Variants in GIGYF2 observed in about 807,000 individuals in gnomAD.
GIGYF2 encodes the protein GRB10-interacting GYF protein 2.
Under a neutral mutation model 208.1 loss-of-function variants are expected in GIGYF2, and 25 were observed. The ratio of observed to expected loss-of-function variants is 0.12; its 90% CI spans 0.09 to 0.17. The LOEUF is 0.17. Among genes scored for constraint, GIGYF2 ranks in the 10% least tolerant of loss-of-function variants. The pLI, the probability that GIGYF2 is intolerant of heterozygous loss-of-function variation, is 1.00. For missense variants in GIGYF2, 1,302 were observed against 1,579.4 expected (o/e 0.82, Z 2.98); for synonymous variants, 534 against 543.8 (o/e 0.98, Z 0.25).
Position 232,819,844 on chromosome 2 carries a change from C to A in GIGYF2, c.2388C>A (p.Arg796=). The A allele has an allele frequency of 2.1e-6, 3 of 1,410,020 alleles. No individual in the cohort carries two copies. The highest frequency in any genetic ancestry group is 2.8e-6 in the Non-Finnish European group (3 of 1,055,704). 87.3% of individuals were successfully genotyped at this position (1,410,020 alleles called of 1,614,324 possible). ...TTCCTTAGGAAGAGGCTCTGCGTCG[C>A]CAGCGGGAGCAAGAAATTGCATTAA... ...ARRKQEEALR[R]QREQEIALRR... The change falls in exon 21 of 29, where the codon CGC becomes CGA. Residue 796 remains arginine (R), a synonymous_variant. Coordinates refer to ENST00000373563, the MANE Select transcript of GIGYF2 (RefSeq NM_001103146.3).
intron 6 of GIGYF2, among the ~76,000 whole-genome samples, chr2:232,756,672 C>T (rs1698555849): frequency 6.6e-6 from 1 of 152,164 alleles, no homozygotes; most frequent in African/African-American, 2.4e-5. Flanking sequence ...ATGGAAGCAG[C>T]ACTGAAGTAC....
chr2:232,829,714 T>C (rs570801390), intron 21 of GIGYF2, among the ~76,000 whole-genome samples: 6 of 151,944 alleles, frequency 3.9e-5, no homozygotes, highest in East Asian at 1.9e-4. Flanking sequence ...CTTCCAAATT[T>C]CCCCCCCAGG....
At chr2:232,786,496 CA>C (rs1375857716) in intron 8 of GIGYF2, among the ~76,000 whole-genome samples, 2 of 152,196 alleles carry the variant, frequency 1.3e-5, no homozygotes, top group Non-Finnish European at 2.9e-5. Context: ...CTCGGCCTCC[CA>C]AAGTGCTGGG....
chr2:232,718,052 C>T (rs35212961), intron 2 of GIGYF2, among the ~76,000 whole-genome samples: 46,818 of 151,922 alleles, frequency 0.31, 7,673 homozygotes, highest in South Asian at 0.62. Context: ...TGGGTGATTT[C>T]GCAGTATCAT....
At chr2:232,815,365 A>T (rs148126172) in intron 18 of GIGYF2, among the ~76,000 whole-genome samples, 2 of 152,248 alleles carry the variant, frequency 1.3e-5, no homozygotes, top group Non-Finnish European at 2.9e-5. Context: ...CATCTGTAAA[A>T]ATGGGGGTAT....
chr2:232,724,084 AG>A (rs1697075980), intron 2 of GIGYF2, among the ~76,000 whole-genome samples: 1 of 151,456 alleles, frequency 6.6e-6, no homozygotes, highest in Non-Finnish European at 1.5e-5. Context: ...TCTGTCACCC[AG>A]GCTGGAGTGC....
chr2:232,817,387 T>C (rs143439485), intron 20 of GIGYF2, among the ~76,000 whole-genome samples: 298 of 152,368 alleles, frequency 2.0e-3, no homozygotes, highest in African/African-American at 6.9e-3. Flanking sequence ...AAAATTGTGC[T>C]AACATATACA....
chr2:232,705,416 T>A (rs1696050445), intron 2 of GIGYF2: 3 of 152,346 alleles, frequency 2.0e-5, no homozygotes, highest in South Asian at 4.1e-4. Context: ...TTTATTTTTT[T>A]ATTTTTGTTG....
intron 15 of GIGYF2, among the ~76,000 whole-genome samples, chr2:232,807,057 CT>C (rs1700583105): frequency 1.3e-5 from 2 of 149,836 alleles, no homozygotes. Flanking sequence ...CTTTGACTTT[CT>C]TTGCTTCCTC....
intron 8 of GIGYF2, chr2:232,768,884 G>A: frequency 1.5e-6 from 2 of 1,313,684 alleles, no homozygotes; most frequent in Admixed American, 2.2e-5. Flanking sequence ...TGAATGACAA[G>A]TGTATATCAA....
intron 2 of GIGYF2, among the ~76,000 whole-genome samples, chr2:232,709,224 T>C (rs1696270105): frequency 6.6e-6 from 1 of 152,246 alleles, no homozygotes; most frequent in Non-Finnish European, 1.5e-5. Context: ...GGTTATTGTA[T>C]CCATGAAAAA....
intron 3 of GIGYF2, among the ~76,000 whole-genome samples, chr2:232,746,939 T>C (rs1169734301): frequency 6.6e-6 from 1 of 152,212 alleles, no homozygotes; most frequent in Non-Finnish European, 1.5e-5. Flanking sequence ...ATTCTAAATG[T>C]TGTATTTGTC....
intron 8 of GIGYF2, among the ~76,000 whole-genome samples, chr2:232,781,559 T>C (rs1228202452): frequency 6.6e-6 from 1 of 152,204 alleles, no homozygotes; most frequent in Non-Finnish European, 1.5e-5. Flanking sequence ...AAGTTGGTCT[T>C]AACCATTTTT....
At position 232,771,650 on chromosome 2, in the gene GIGYF2, G is replaced by A. The variant is rs76483150; in HGVS notation, c.532+10214G>A. ...TTAAACATTTTCTAAGTATATTTTAGAATTCCTGTAGGTAGAGATTATATA... is the reference window on the plus strand; with the variant it reads ...TTAAACATTTTCTAAGTATATTTTAAAATTCCTGTAGGTAGAGATTATATA... On this transcript the variant is annotated intron_variant, in intron 8 of 28. Coordinates refer to ENST00000373563, the MANE Select transcript of GIGYF2 (RefSeq NM_001103146.3). Among the ~76,000 whole-genome samples, 260 of 152,262 alleles carry A rather than the reference G, an allele frequency of 1.7e-3. 1 individual carries two copies. Among genetic ancestry groups the A allele is most frequent in the South Asian group, 8.7e-3 (42 of 4,826 alleles).
At chr2:232,771,913 C>T (rs544370798) in intron 8 of GIGYF2, among the ~76,000 whole-genome samples, 17 of 152,270 alleles carry the variant, frequency 1.1e-4, no homozygotes, top group Admixed American at 9.8e-4. Context: ...ACAAGGCTTA[C>T]ATTTGTGGTA....
intron 8 of GIGYF2, among the ~76,000 whole-genome samples, chr2:232,782,369 A>C (rs1267093050): frequency 6.6e-6 from 1 of 152,170 alleles, no homozygotes; most frequent in African/African-American, 2.4e-5. Flanking sequence ...GGCCAGTAGT[A>C]CTATTTCTTT....
chr2:232,729,914 A>G (rs1322240893), intron 2 of GIGYF2: 1 of 738,878 alleles, frequency 1.4e-6, no homozygotes, highest in African/African-American at 1.7e-5. Flanking sequence ...CATCATCTTT[A>G]CTATCTTTAG....
At chr2:232,776,498 C>T (rs1559423399) in intron 8 of GIGYF2, 1 of 1,398,414 alleles carries the variant, frequency 7.2e-7, no homozygotes, top group Non-Finnish European at 1.0e-6. Flanking sequence ...AGGAAATTTA[C>T]AGAGTCTGCC....
chr2:232,774,614 A>T lies in GIGYF2; in HGVS notation c.533-12536A>T, dbSNP rs986426361. Reference sequence around the variant, plus strand: ...GGAAGAAGGATATAACAATGAAAGGATAGTTGGTTGCCTTCAAAATGGTGG... The same window carrying T: ...GGAAGAAGGATATAACAATGAAAGGTTAGTTGGTTGCCTTCAAAATGGTGG... On this transcript the variant is annotated intron_variant, in intron 8 of 28. Transcript: ENST00000373563. 5.9e-5 allele frequency among the ~76,000 whole-genome samples: 9 copies of T among 152,178 alleles called. No individual in the cohort carries two copies. In the East Asian group the frequency reaches 1.7e-3, roughly 29 times the overall value.
Sources: gnomAD v4.1 joint callset for allele counts (sites outside exome capture counted in the v4.1 genomes callset) on GRCh38, gnomAD v4.1.1 for gene constraint, MANE v1.5 for transcripts, NCBI Gene and HGNC (gene_info 2026-07-23, HGNC 2026-07-21) for gene names.